Variants in WDR19 observed in about 807,000 individuals in gnomAD.
The protein encoded by WDR19 is WD repeat domain 19.
Under a neutral mutation model 180.0 loss-of-function variants are expected in WDR19, and 121 were observed. That is an observed-to-expected ratio of 0.67 (90% CI 0.58 to 0.78). The LOEUF is 0.78. Ranked by LOEUF, WDR19 falls within the 30% of genes least tolerant of loss-of-function variation. The probability of loss-of-function intolerance (pLI) is 0.00; values close to 1 mark genes in which losing one functional copy is unlikely to be tolerated. For synonymous variants in WDR19, 497 were observed against 540.7 expected (o/e 0.92, Z 1.12); for missense variants, 1,450 against 1,640.7 (o/e 0.88, Z 2.01).
At position 39,199,597 on chromosome 4, in the gene WDR19, A is replaced by G. The variant is rs1296652766; in HGVS notation, c.522+4A>G. The G allele has an allele frequency of 1.9e-6, 3 of 1,602,660 alleles. No individual in the cohort carries two copies. The highest frequency in any genetic ancestry group is 1.7e-6 in the Non-Finnish European group (2 of 1,170,134). On this transcript the variant is annotated splice_donor_region_variant and intron_variant, in intron 6 of 36. Coordinates refer to ENST00000399820, the MANE Select transcript of WDR19 (RefSeq NM_025132.4). ...GGAAGGTGACACGATAAGACAGGTAATACAGTAACGTCTCTTTGGTCTGAT... is the reference window on the plus strand; with the variant it reads ...GGAAGGTGACACGATAAGACAGGTAGTACAGTAACGTCTCTTTGGTCTGAT...
chr4:39,231,386 C>T (rs1263091860), intron 17 of WDR19, among the ~76,000 whole-genome samples: 1 of 149,132 alleles, frequency 6.7e-6, no homozygotes, highest in Admixed American at 6.7e-5. Context: ...ATTTTCAAAA[C>T]AGCACCTGAC....
intron 33 of WDR19, among the ~76,000 whole-genome samples, chr4:39,276,665 C>G (rs188080600): frequency 6.6e-6 from 1 of 152,304 alleles, no homozygotes; most frequent in East Asian, 1.9e-4. Context: ...TGTACCACTT[C>G]TGTTACACAA....
At chr4:39,231,639 C>T (rs1730874783) in intron 17 of WDR19, among the ~76,000 whole-genome samples, 158 bp from the exon 18 acceptor site, 1 of 152,044 alleles carries the variant, frequency 6.6e-6, no homozygotes, top group African/African-American at 2.4e-5. Context: ...AGGAAGAAAG[C>T]TTAAGTGTTT....
At chr4:39,251,270 A>G (rs76544197) in intron 24 of WDR19, among the ~76,000 whole-genome samples, 39,581 of 152,076 alleles carry the variant, frequency 0.26, 6,848 homozygotes, top group Non-Finnish European at 0.38. Flanking sequence ...AGGATTCCCT[A>G]TTTAATAAAT....
At position 39,203,654 on chromosome 4, in the gene WDR19, T is replaced by A; in HGVS notation, c.535T>A (p.Ser179Thr). The A allele has an allele frequency of 6.2e-7, 1 of 1,612,620 alleles. No individual in the cohort carries two copies. The highest frequency in any genetic ancestry group is 8.5e-7 in the Non-Finnish European group (1 of 1,179,376). Residue 179 changes from serine to threonine, a missense_variant, in exon 7 of 37, where the codon TCA (serine) becomes ACA (threonine). Transcript: ENST00000399820. ...TTTACTCCTTTAGACACAAGTGAGA[T>A]CAGAGCCTAGCAACATGCAGTTTTT... ...GDTIRQTQVR[S>T]EPSNMQFFLM...
chr4:39,182,892 GA>G (rs1486332409), intron 1 of WDR19, among the ~76,000 whole-genome samples: 1 of 152,156 alleles, frequency 6.6e-6, no homozygotes, highest in Non-Finnish European at 1.5e-5. Flanking sequence ...CACGCGGAAA[GA>G]ACTGGTCGAG....
chr4:39,269,874 C>A, intron 30 of WDR19, 102 bp from the exon 31 acceptor site: 1 of 1,416,932 alleles, frequency 7.1e-7, no homozygotes, highest in Non-Finnish European at 9.7e-7. Context: ...TAAGAGATTA[C>A]TAATAACAAG....
chr4:39,230,280 G>T (rs567154196), intron 17 of WDR19, among the ~76,000 whole-genome samples: 3 of 152,096 alleles, frequency 2.0e-5, no homozygotes, highest in African/African-American at 7.2e-5. Context: ...CCCTTTCCCT[G>T]CTCTGAATGT....
intron 36 of WDR19, among the ~76,000 whole-genome samples, chr4:39,283,009 C>A (rs1420101396): frequency 1.3e-5 from 2 of 152,158 alleles, no homozygotes; most frequent in Non-Finnish European, 2.9e-5. Context: ...TGGCTAGGAC[C>A]TCCTCTGCAA....
intron 15 of WDR19, among the ~76,000 whole-genome samples, chr4:39,225,875 CTTTA>C (rs1730199412): frequency 6.8e-6 from 1 of 146,194 alleles, no homozygotes; most frequent in South Asian, 2.1e-4. Flanking sequence ...TCTTTTCTTT[CTTTA>C]TTTGACAAGT....
chr4:39,206,412 C>G (rs905105560), intron 9 of WDR19, among the ~76,000 whole-genome samples: 1 of 152,150 alleles, frequency 6.6e-6, no homozygotes, highest in African/African-American at 2.4e-5. Flanking sequence ...AATCTTCTCT[C>G]CAATTAGAGG....
chr4:39,224,865 G>A lies in WDR19; in HGVS notation c.1480-19G>A, dbSNP rs1730080001. The A allele has an allele frequency of 1.4e-6, 2 of 1,410,566 alleles. No homozygotes were observed. Among genetic ancestry groups the A allele is most frequent in the Non-Finnish European group, 1.9e-6 (2 of 1,051,430 alleles). The allele number at this position is 1,410,566 out of a possible 1,614,324, so 87.4% of individuals were successfully genotyped here. On this transcript the variant is annotated intron_variant, in intron 14 of 36. Coordinates refer to ENST00000399820, the MANE Select transcript of WDR19 (RefSeq NM_025132.4). ...ACTACCTTTTATATTTTCATGGCTG[G>A]ATTTTTTTTTTTTTTTAGACTGGTG...
intron 30 of WDR19, 83 bp downstream of exon 30, chr4:39,268,174 GC>G (rs966748848): frequency 5.8e-5 from 70 of 1,215,488 alleles, no homozygotes; most frequent in Non-Finnish European, 7.6e-5. Context: ...GGAAAGAGTA[GC>G]CCCTACGTTT....
In WDR19 at chr4:39,212,114, T is replaced by C. The variant is rs367555869; in HGVS notation, c.891-2487T>C. Among the ~76,000 whole-genome samples the C allele has an allele frequency of 6.6e-5, 10 of 152,266 alleles. No homozygotes were observed. The East Asian group carries it at 1.5e-3, about 24-fold the overall frequency. On this transcript the variant is annotated intron_variant, in intron 9 of 36. Coordinates refer to ENST00000399820, the MANE Select transcript of WDR19 (RefSeq NM_025132.4). ...TAGCTACAATCATCAAGACTATGTA[T>C]CATTGGCAGAGGAAAAGACATATCA...
At chr4:39,265,390 G>T (rs185689108) in intron 28 of WDR19, among the ~76,000 whole-genome samples, 2 of 152,112 alleles carry the variant, frequency 1.3e-5, no homozygotes, top group Non-Finnish European at 2.9e-5. Context: ...CCGCTGCAGA[G>T]GAGGGCCCCT....
rs1275455597 is a variant in WDR19, at chr4:39,209,435, G to A, written c.890+3699G>A. On this transcript the variant is annotated intron_variant, in intron 9 of 36. Coordinates refer to ENST00000399820, the MANE Select transcript of WDR19 (RefSeq NM_025132.4). ...TTTCTACCTCAAGACACTGAAAAAAGGAGCAAGATAAACATAAAGCAAAAG... is the reference window on the plus strand; with the variant it reads ...TTTCTACCTCAAGACACTGAAAAAAAGAGCAAGATAAACATAAAGCAAAAG... Among the ~76,000 whole-genome samples, 3 of 151,954 alleles carry A rather than the reference G, an allele frequency of 2.0e-5. No individual in the cohort carries two copies. In the South Asian group the frequency reaches 6.2e-4, roughly 32 times the overall value.
intron 14 of WDR19, 101 bp from the exon 15 acceptor site, chr4:39,224,783 T>C: frequency 9.4e-7 from 1 of 1,064,808 alleles, no homozygotes; most frequent in Admixed American, 3.2e-5. Context: ...CATGACATTT[T>C]TCTCTTAAAA....
Position 39,221,969 on chromosome 4 carries a change from C to T in WDR19, c.1480-2915C>T, listed in dbSNP as rs569164020. Among the ~76,000 whole-genome samples the T allele has an allele frequency of 1.9e-4, 29 of 152,156 alleles. No individual in the cohort carries two copies. In the East Asian group the frequency reaches 5.0e-3, roughly 26 times the overall value. ...AGTTTGGGGTATTTACAAATAAAGC[C>T]TCTATCAACATTCATGTTCAAGAAA... is the stretch of plus-strand genomic sequence containing the variant. On this transcript the variant is annotated intron_variant, in intron 14 of 36. Transcript: ENST00000399820.
chr4:39,216,233 A>T (rs1270423332), intron 12 of WDR19, 23 bp downstream of exon 12: 2 of 1,511,684 alleles, frequency 1.3e-6, no homozygotes, highest in South Asian at 2.6e-5. Context: ...CCAGTTGTTT[A>T]TTCTTATCTA....
Sources: allele counts gnomAD v4.1 joint callset (sites outside exome capture counted in the v4.1 genomes callset), GRCh38; gene constraint gnomAD v4.1.1; transcripts MANE v1.5; gene names NCBI Gene and HGNC (gene_info 2026-07-23, HGNC 2026-07-21).